Variants in NELL2 observed in about 807,000 individuals in gnomAD.
NELL2 encodes the protein protein kinase C-binding protein NELL2.
A neutral mutation model predicts 109.6 loss-of-function variants in NELL2; 41 were observed. The ratio of observed to expected loss-of-function variants is 0.37; its 90% CI spans 0.29 to 0.49. The LOEUF is 0.49. NELL2 is among the 20% of genes least tolerant of loss of function. The pLI, the probability that NELL2 is intolerant of heterozygous loss-of-function variation, is 0.98. For synonymous variants in NELL2, 355 were observed against 344.7 expected (o/e 1.03, Z -0.33); for missense variants, 900 against 1,008.3 (o/e 0.89, Z 1.45).
intron 7 of NELL2, 73 bp from the exon 8 acceptor site, chr12:44,776,223 T>C (rs4768572): frequency 0.99 from 1,513,818 of 1,521,434 alleles, 753,449 homozygotes; most frequent in East Asian, 1. Flanking sequence ...ACTCCGCAGG[T>C]ATCTTTTTTT....
chr12:44,815,800 G>A (rs1943325791), intron 3 of NELL2, 186 bp downstream of exon 3: 1 of 519,548 alleles, frequency 1.9e-6, no homozygotes, highest in Non-Finnish European at 3.2e-6. Context: ...TGTATTTTTA[G>A]AAGAGACAGG....
chr12:44,921,395 A>C (rs1389590785), intron 1 of NELL2, among the ~76,000 whole-genome samples: 1 of 152,184 alleles, frequency 6.6e-6, no homozygotes, highest in African/African-American at 2.4e-5. Flanking sequence ...GCAGAGGTCT[A>C]TAACAAGTTC....
intron 13 of NELL2, among the ~76,000 whole-genome samples, chr12:44,641,238 T>C (rs188714636): frequency 4.0e-4 from 61 of 152,300 alleles, no homozygotes; most frequent in Admixed American, 1.0e-3. Context: ...CCAGGAACAA[T>C]GCAAAGGGGA....
chr12:44,892,050 T>C (rs1945540521), intron 1 of NELL2, among the ~76,000 whole-genome samples: 1 of 152,226 alleles, frequency 6.6e-6, no homozygotes, highest in African/African-American at 2.4e-5. Flanking sequence ...CTGGTGATTG[T>C]TTCACACTGG....
intron 2 of NELL2, among the ~76,000 whole-genome samples, chr12:44,840,411 C>T (rs1407106978): frequency 6.6e-6 from 1 of 152,154 alleles, no homozygotes; most frequent in African/African-American, 2.4e-5. Flanking sequence ...GTACAAAATG[C>T]ATATGTGTTG....
chr12:44,901,770 C>G (rs1422294771), intron 1 of NELL2, among the ~76,000 whole-genome samples: 2 of 152,092 alleles, frequency 1.3e-5, no homozygotes, highest in Non-Finnish European at 1.5e-5. Flanking sequence ...TAAATGGAAT[C>G]CATCACATAA....
At chr12:44,803,611 A>T (rs560626890) in intron 3 of NELL2, among the ~76,000 whole-genome samples, 46 of 152,154 alleles carry the variant, frequency 3.0e-4, no homozygotes, top group African/African-American at 1.0e-3. Context: ...TCAATTTTTT[A>T]AAATTAAAAG....
At chr12:44,917,064 C>T (rs138776812), upstream of NELL2, among the ~76,000 whole-genome samples, 100 of 152,230 alleles carry the variant, frequency 6.6e-4, no homozygotes, top group African/African-American at 2.3e-3. Context: ...CAGAGACTCT[C>T]GTTTTGTTAA....
chr12:44,525,555 G>T (rs1263300865), intron 16 of NELL2, among the ~76,000 whole-genome samples: 2 of 152,116 alleles, frequency 1.3e-5, no homozygotes, highest in African/African-American at 4.8e-5. Context: ...TAGAATTTTG[G>T]AACCCATTTT....
At chr12:44,651,336 T>C (rs1947293461) in intron 13 of NELL2, among the ~76,000 whole-genome samples, 1 of 152,202 alleles carries the variant, frequency 6.6e-6, no homozygotes, top group Admixed American at 6.5e-5. Context: ...CAAAATCCAG[T>C]ATTCAATAGT....
At chr12:44,635,903 T>C (rs1946620812) in intron 13 of NELL2, among the ~76,000 whole-genome samples, 3 of 152,222 alleles carry the variant, frequency 2.0e-5, no homozygotes, top group Admixed American at 1.3e-4. Flanking sequence ...ATATTGATTC[T>C]TCCTATCCAT....
intron 15 of NELL2, among the ~76,000 whole-genome samples, chr12:44,567,742 T>A (rs1171835550): frequency 6.6e-6 from 1 of 152,190 alleles, no homozygotes; most frequent in East Asian, 1.9e-4. Context: ...TCACCTCATA[T>A]CATTACCTTA....
intron 2 of NELL2, among the ~76,000 whole-genome samples, chr12:44,854,450 G>A (rs185710286): frequency 1.4e-4 from 22 of 152,164 alleles, no homozygotes; most frequent in African/African-American, 3.4e-4. Context: ...TCAGAGAGAT[G>A]AAAAAGAGGA....
upstream of NELL2, chr12:44,876,755 C>T (rs1418715512): frequency 2.0e-6 from 3 of 1,495,290 alleles, no homozygotes; most frequent in South Asian, 3.8e-5. Context: ...TCCGGAGCAG[C>T]CCCGGGGTGC....
upstream of NELL2, among the ~76,000 whole-genome samples, chr12:44,878,380 T>G (rs1228034529): frequency 1.3e-5 from 2 of 152,168 alleles, no homozygotes; most frequent in Non-Finnish European, 2.9e-5. Flanking sequence ...AGGTATAAGG[T>G]TTGGAAACCC....
At chr12:44,653,347 A>G (rs1211935441) in intron 13 of NELL2, among the ~76,000 whole-genome samples, 1 of 152,216 alleles carries the variant, frequency 6.6e-6, no homozygotes, top group Non-Finnish European at 1.5e-5. Context: ...ACTAGTGGAT[A>G]GTAGAAGAAG....
chr12:44,630,764 A>G (rs2136284720), intron 13 of NELL2, among the ~76,000 whole-genome samples: 1 of 152,232 alleles, frequency 6.6e-6, no homozygotes, highest in African/African-American at 2.4e-5. Context: ...TGGAAGTGTG[A>G]GCTAATTTTA....
intron 2 of NELL2, among the ~76,000 whole-genome samples, chr12:44,823,873 T>C (rs1284473373): frequency 6.6e-6 from 1 of 152,228 alleles, no homozygotes; most frequent in African/African-American, 2.4e-5. Flanking sequence ...AAGGGTTCCC[T>C]TTTCTCCTCG....
intron 2 of NELL2, among the ~76,000 whole-genome samples, chr12:44,870,380 A>G (rs983065838): frequency 6.6e-6 from 1 of 152,194 alleles, no homozygotes; most frequent in African/African-American, 2.4e-5. Context: ...AGCCACTTCC[A>G]TATTTTTTAG....
Sources: allele counts gnomAD v4.1 joint callset (sites outside exome capture counted in the v4.1 genomes callset), GRCh38; gene constraint gnomAD v4.1.1; transcripts MANE v1.5; gene names NCBI Gene and HGNC (gene_info 2026-07-23, HGNC 2026-07-21).